Variants in ABCC5 observed in about 807,000 individuals in gnomAD.
ABCC5 encodes the protein ATP-binding cassette sub-family C member 5.
In ABCC5, 61 loss-of-function variants were observed where a neutral mutation model predicts 160.9. The ratio of observed to expected loss-of-function variants is 0.38; its 90% CI spans 0.31 to 0.47. The LOEUF (loss-of-function observed/expected upper bound fraction) is 0.47. Ranked by LOEUF, ABCC5 falls within the 20% of genes least tolerant of loss-of-function variation. The pLI is 0.99. For missense variants in ABCC5, 1,308 were observed against 1,813.3 expected, an observed-to-expected ratio of 0.72 and a Z score of 5.06; for synonymous variants, 666 against 700.6, an observed-to-expected ratio of 0.95 and a Z score of 0.78.
rs116737151 is a variant in ABCC5 at position 183,967,480 on chromosome 3, C to T, written c.1833+215G>A. 1.7e-3 allele frequency: 929 copies of T among 532,130 alleles called. 11 individuals are homozygous for T. Among genetic ancestry groups the T allele is most frequent in the African/African-American group, 0.016 (822 of 52,196 alleles). 33.0% of individuals were successfully genotyped at this position (532,130 alleles called of 1,614,324 possible). On this transcript the variant is annotated intron_variant, in intron 12 of 29. Coordinates refer to ENST00000334444, the MANE Select transcript of ABCC5 (RefSeq NM_005688.4). ...AAATGGTTCCAGCTGGGACAACAGT[C>T]AGTCATCCATCAGGCGCCCACCAGG...
chr3:183,927,236 A>G, intron 28 of ABCC5, 94 bp downstream of exon 28: 4 of 1,266,296 alleles, frequency 3.2e-6, no homozygotes, highest in Non-Finnish European at 4.4e-6. Context: ...AACAGGGATC[A>G]GAGCCAGGAA....
intron 17 of ABCC5, among the ~76,000 whole-genome samples, chr3:183,954,652 G>C (rs1715701170): frequency 1.3e-5 from 2 of 152,168 alleles, no homozygotes; most frequent in Admixed American, 6.5e-5. Flanking sequence ...ATATTCCTGA[G>C]GATCTCCCTG....
At chr3:184,009,150 G>A (rs759636870) in intron 2 of ABCC5, among the ~76,000 whole-genome samples, 26 of 152,118 alleles carry the variant, frequency 1.7e-4, no homozygotes, top group Non-Finnish European at 3.7e-4. Flanking sequence ...CAGGCGTGAG[G>A]CACCAGCAGC....
intron 2 of ABCC5, among the ~76,000 whole-genome samples, chr3:183,993,662 C>T (rs545396959): frequency 8.5e-5 from 13 of 152,240 alleles, no homozygotes; most frequent in African/African-American, 2.9e-4. Flanking sequence ...AGATTAATCA[C>T]TTTCAATGGA....
chr3:183,974,500 G>A (rs1280346225), intron 10 of ABCC5, among the ~76,000 whole-genome samples: 1 of 152,084 alleles, frequency 6.6e-6, no homozygotes, highest in Non-Finnish European at 1.5e-5. Flanking sequence ...GTAGAGACGG[G>A]GTTTCATAAT....
chr3:183,998,816 G>A (rs6773404), intron 2 of ABCC5, among the ~76,000 whole-genome samples: 32,878 of 152,044 alleles, frequency 0.22, 4,882 homozygotes, highest in African/African-American at 0.41. Flanking sequence ...AGGGCCAGGC[G>A]TAGTGGCTCA....
chr3:183,985,275 G>C lies in ABCC5; in HGVS notation c.592-2268C>G, dbSNP rs1719106117. The C allele has an allele frequency of 3.8e-6, 6 of 1,580,556 alleles. No individual in the cohort carries two copies. The Admixed American group carries it at 6.7e-5, about 18-fold the overall frequency. ...TAGCATAGCTGTCTGGCTGTGGAAA[G>C]CATTCCCAGTGAATAAACATTACCT... On this transcript the variant is annotated intron_variant, in intron 5 of 29. Coordinates refer to ENST00000334444, the MANE Select transcript of ABCC5 (RefSeq NM_005688.4).
intron 8 of ABCC5, 60 bp from the exon 9 acceptor site, chr3:183,978,711 C>A: frequency 6.4e-7 from 1 of 1,570,908 alleles, no homozygotes; most frequent in South Asian, 1.2e-5. Flanking sequence ...GGATGTTGTT[C>A]CTCCACCTCC....
chr3:183,929,664 A>C (rs1309171336), intron 26 of ABCC5, among the ~76,000 whole-genome samples: 1 of 152,220 alleles, frequency 6.6e-6, no homozygotes, highest in Non-Finnish European at 1.5e-5. Flanking sequence ...ACAGAAGACC[A>C]GTTTGGGGAC....
intron 10 of ABCC5, among the ~76,000 whole-genome samples, chr3:183,974,789 T>A (rs1456265405): frequency 6.6e-6 from 1 of 152,174 alleles, no homozygotes; most frequent in Non-Finnish European, 1.5e-5. Flanking sequence ...AAATTACAGG[T>A]TACATAAATA....
At chr3:183,999,212 T>C (rs1720544948) in intron 2 of ABCC5, among the ~76,000 whole-genome samples, 1 of 151,874 alleles carries the variant, frequency 6.6e-6, no homozygotes, top group Admixed American at 6.6e-5. Flanking sequence ...TAACTTCTCT[T>C]CCTCTCTAGG....
chr3:183,971,980 G>A (rs1258811823), intron 10 of ABCC5, 61 bp from the exon 11 acceptor site: 3 of 1,607,094 alleles, frequency 1.9e-6, no homozygotes, highest in Non-Finnish European at 2.5e-6. Flanking sequence ...AGGGAGACAA[G>A]CCTAGGGCGT....
At chr3:183,973,465 G>A (rs948368833) in intron 10 of ABCC5, among the ~76,000 whole-genome samples, 1 of 152,042 alleles carries the variant, frequency 6.6e-6, no homozygotes, top group Admixed American at 6.6e-5. Context: ...AAAATCTTTA[G>A]AGAAAAGATA....
Position 183,988,495 on chromosome 3 carries a change from G to T in ABCC5, c.443+77C>A, listed in dbSNP as rs759071305. 3.0e-5 allele frequency: 45 copies of T among 1,525,318 alleles called. No homozygotes were observed. The highest frequency in any genetic ancestry group is 3.8e-5 in the Non-Finnish European group (43 of 1,138,556). 94.5% of individuals were successfully genotyped at this position (1,525,318 alleles called of 1,614,324 possible). The stretch of plus-strand genomic sequence containing the variant: ...CAGCTCGGCTCTTTAAAGACACAGA[G>T]CTGTGGACTTCACACTCCTAGCTCA... On this transcript the variant is annotated intron_variant, in intron 4 of 29. Transcript: ENST00000334444. The surrounding 1 kb of genome is among the most constrained non-coding windows in gnomAD (Gnocchi z 4.4).
chr3:184,001,214 C>T lies in ABCC5; in HGVS notation c.130-11831G>A, dbSNP rs1041553359. 1.1e-5 allele frequency: 6 copies of T among 530,624 alleles called. No individual in the cohort carries two copies. The African/African-American group carries it at 1.1e-4, about 10-fold the overall frequency. The allele number at this position is 530,624 out of a possible 1,614,324, so 32.9% of individuals were successfully genotyped here. A position where few individuals can be genotyped will look rare whatever the true frequency, so the allele number is the denominator to read the frequency against. ...GCTGCAGTGAGCCATGGTCATGCCA[C>T]CGCACTACAGTCTGGGTGACAGAGT... On this transcript the variant is annotated intron_variant, in intron 2 of 29. Transcript: ENST00000334444.
chr3:183,993,682 G>A (rs1024988268), intron 2 of ABCC5, among the ~76,000 whole-genome samples: 78 of 152,190 alleles, frequency 5.1e-4, no homozygotes, highest in Middle Eastern at 3.4e-3. Context: ...AAAGTTATGT[G>A]GAAGCAACTA....
chr3:183,942,544 T>C (rs752214021), intron 25 of ABCC5, 183 bp downstream of exon 25: 1 of 767,004 alleles, frequency 1.3e-6, no homozygotes, highest in South Asian at 1.5e-5. Flanking sequence ...CATTTATGAC[T>C]GTGAAAAGCA....
intron 2 of ABCC5, among the ~76,000 whole-genome samples, chr3:184,004,502 G>A (rs1467583698): frequency 1.2e-4 from 11 of 93,162 alleles, no homozygotes; most frequent in African/African-American, 2.7e-4. Context: ...CAGAGACTCC[G>A]TCTCAAAAAA....
chr3:183,941,781 G>A (rs1200975191), intron 25 of ABCC5, among the ~76,000 whole-genome samples: 2 of 151,858 alleles, frequency 1.3e-5, no homozygotes, highest in Non-Finnish European at 2.9e-5. Context: ...TCAGGAAATC[G>A]AGACCGTCCT....
Sources: allele counts gnomAD v4.1 joint callset (sites outside exome capture counted in the v4.1 genomes callset), GRCh38; gene constraint gnomAD v4.1.1; non-coding constraint Gnocchi (gnomAD v3.1); transcripts MANE v1.5; gene names NCBI Gene and HGNC (gene_info 2026-07-23, HGNC 2026-07-21).